The following PCSK2 variants were observed in gnomAD, a reference collection of about 807,000 sequenced individuals.
The protein encoded by PCSK2 is proprotein convertase subtilisin/kexin type 2.
Under a neutral mutation model 69.7 loss-of-function variants are expected in PCSK2, and 14 were observed. The ratio of observed to expected loss-of-function variants is 0.20; its 90% CI spans 0.13 to 0.31. The LOEUF is 0.31. PCSK2 is among the 10% of genes least tolerant of loss of function. PCSK2 has a pLI of 1.00. For missense variants in PCSK2, 544 were observed against 842.5 expected, an observed-to-expected ratio of 0.65 and a Z score of 4.39; for synonymous variants, 307 against 320.7, an observed-to-expected ratio of 0.96 and a Z score of 0.46.
At chr20:17,308,440 T>C (rs1989399372) in intron 2 of PCSK2, among the ~76,000 whole-genome samples, 2 of 152,130 alleles carry the variant, frequency 1.3e-5, no homozygotes, top group South Asian at 4.1e-4. Context: ...AAAAAAGAAC[T>C]AAACATGCAA....
At chr20:17,322,828 A>G (rs1989914969) in intron 2 of PCSK2, among the ~76,000 whole-genome samples, 1 of 152,158 alleles carries the variant, frequency 6.6e-6, no homozygotes, top group Non-Finnish European at 1.5e-5. Context: ...TCATGACTTA[A>G]TCACTTTCCA....
intron 11 of PCSK2, among the ~76,000 whole-genome samples, chr20:17,480,184 C>CTTTTTTCTTTTT (rs2033370924): frequency 1.3e-5 from 1 of 76,996 alleles, no homozygotes; most frequent in African/African-American, 5.9e-5. Flanking sequence ...TTCAGCTTTT[C>CTTTTTTCTTTTT]TTTTTTTTTT....
chr20:17,477,642 ATTG>A (rs1223318676), intron 11 of PCSK2, among the ~76,000 whole-genome samples: 2 of 152,144 alleles, frequency 1.3e-5, no homozygotes, highest in Non-Finnish European at 2.9e-5. Flanking sequence ...GGTATTAATT[ATTG>A]TTATTTGGCA....
Position 17,450,017 on chromosome 20 carries a change from C to CTTTT in PCSK2, c.886-3698_886-3695dup, listed in dbSNP as rs61156656. On this transcript the variant is annotated intron_variant, in intron 8 of 11. Transcript: ENST00000262545. ...TTTTTAAGTTTGTTGAATTTCTTCC[C>CTTTT]TTTTTTTTTTTTTTTTTTTTTTTTT... 2.9e-4 allele frequency among the ~76,000 whole-genome samples: 18 copies of CTTTT among 61,834 alleles called. 1 individual carries two copies. The highest frequency in any genetic ancestry group is 5.5e-4 in the Admixed American group (2 of 3,646). The allele number at this position is 61,834 out of a possible 152,430, so 40.6% of individuals were successfully genotyped here.
At chr20:17,375,988 G>C (rs2030913651) in intron 5 of PCSK2, among the ~76,000 whole-genome samples, 1 of 152,320 alleles carries the variant, frequency 6.6e-6, no homozygotes, top group East Asian at 1.9e-4. Context: ...ATCTAGAACT[G>C]ACAGTGCCAG....
At chr20:17,347,531 A>G (rs957499781) in intron 2 of PCSK2, among the ~76,000 whole-genome samples, 2 of 152,102 alleles carry the variant, frequency 1.3e-5, no homozygotes, top group Admixed American at 6.5e-5. Flanking sequence ...AAACACTGAG[A>G]TAACACACCG....
chr20:17,287,512 T>C (rs2123059029), intron 2 of PCSK2, among the ~76,000 whole-genome samples: 1 of 151,402 alleles, frequency 6.6e-6, no homozygotes, highest in East Asian at 2.0e-4. Flanking sequence ...GCTGAGGAAG[T>C]AAACAGGTCA....
At chr20:17,475,423 TC>T (rs763447060) in intron 11 of PCSK2, among the ~76,000 whole-genome samples, 2 of 151,984 alleles carry the variant, frequency 1.3e-5, no homozygotes, top group Non-Finnish European at 2.9e-5. Context: ...TTTAGTCTAA[TC>T]CATATTTCTC....
intron 5 of PCSK2, among the ~76,000 whole-genome samples, chr20:17,399,014 G>C (rs528368746): frequency 1.3e-5 from 2 of 152,108 alleles, no homozygotes; most frequent in African/African-American, 4.8e-5. Context: ...GTACAATGGG[G>C]GCAAACAGTT....
rs1415729050 is a variant in PCSK2 at position 17,453,655 on chromosome 20, G to C, written c.886-87G>C. On this transcript the variant is annotated intron_variant, in intron 8 of 11. Coordinates refer to ENST00000262545, the MANE Select transcript of PCSK2 (RefSeq NM_002594.5). The surrounding 1 kb of genome is among the most constrained non-coding windows in gnomAD (Gnocchi z 4.0). The stretch of plus-strand genomic sequence containing the variant: ...CCAGTCTTTAGGTTCAACTGCTGAA[G>C]AAGCCCAACCCCTGGGCTGGAGACC... The C allele has an allele frequency of 6.9e-7, 1 of 1,453,322 alleles. No homozygotes were observed. The highest frequency in any genetic ancestry group is 1.4e-5 in the African/African-American group (1 of 71,616). The allele number at this position is 1,453,322 out of a possible 1,614,324, so 90.0% of individuals were successfully genotyped here.
intron 1 of PCSK2, among the ~76,000 whole-genome samples, chr20:17,232,601 T>C (rs370142617): frequency 2.6e-5 from 4 of 152,228 alleles, no homozygotes; most frequent in African/African-American, 7.2e-5. Flanking sequence ...GTCAGATATA[T>C]GTATTTTGAA....
chr20:17,297,838 T>A (rs1988948658), intron 2 of PCSK2, among the ~76,000 whole-genome samples: 1 of 152,238 alleles, frequency 6.6e-6, no homozygotes, highest in African/African-American at 2.4e-5. Context: ...TGCCTTCCTA[T>A]GTCAGTTATT....
intron 2 of PCSK2, among the ~76,000 whole-genome samples, chr20:17,302,478 C>A (rs1340529186): frequency 2.0e-5 from 3 of 152,176 alleles, no homozygotes; most frequent in African/African-American, 7.2e-5. Context: ...GAAGCACACC[C>A]CTTGGTAGCT....
chr20:17,395,100 G>A (rs1182487837), intron 5 of PCSK2, among the ~76,000 whole-genome samples: 1 of 152,064 alleles, frequency 6.6e-6, no homozygotes, highest in Non-Finnish European at 1.5e-5. Context: ...TATTTACAAA[G>A]TGCCTTGTAC....
chr20:17,331,416 C>T (rs1467072785), intron 2 of PCSK2, among the ~76,000 whole-genome samples: 1 of 152,174 alleles, frequency 6.6e-6, no homozygotes, highest in East Asian at 1.9e-4. Context: ...TAAACCCAGG[C>T]CTTCTGTCTA....
intron 1 of PCSK2, among the ~76,000 whole-genome samples, chr20:17,258,761 A>AGTGTGT (rs11467589): frequency 0.092 from 13,386 of 145,000 alleles, 920 homozygotes; most frequent in East Asian, 0.25. Flanking sequence ...CATAATATGT[A>AGTGTGT]GTGTGTGTGT....
At chr20:17,363,983 A>T (rs1235565828) in intron 4 of PCSK2, among the ~76,000 whole-genome samples, 1 of 152,156 alleles carries the variant, frequency 6.6e-6, no homozygotes, top group Non-Finnish European at 1.5e-5. Flanking sequence ...TCCTGGTGAG[A>T]CTTTATGAAT....
chr20:17,476,388 A>C (rs2033289521), intron 11 of PCSK2, among the ~76,000 whole-genome samples: 1 of 152,186 alleles, frequency 6.6e-6, no homozygotes, highest in Non-Finnish European at 1.5e-5. Context: ...GAATAAAATA[A>C]ATTGAACATT....
At chr20:17,303,585 CTTTTTTTT>C (rs1450455120) in intron 2 of PCSK2, among the ~76,000 whole-genome samples, 1 of 107,890 alleles carries the variant, frequency 9.3e-6, no homozygotes, top group South Asian at 2.8e-4. Context: ...AAAATATATA[CTTTTTTTT>C]TGAGATGGAG....
Sources: gnomAD v4.1 joint callset for allele counts (sites outside exome capture counted in the v4.1 genomes callset) on GRCh38, gnomAD v4.1.1 for gene constraint, Gnocchi (gnomAD v3.1) non-coding constraint, MANE v1.5 for transcripts, NCBI Gene and HGNC (gene_info 2026-07-23, HGNC 2026-07-21) for gene names.